Variants in ODAD2 observed in about 807,000 individuals in gnomAD.
ODAD2 encodes outer dynein arm docking complex subunit 2, also known as outer dynein arm-docking complex subunit 2.
A neutral mutation model predicts 106.8 loss-of-function variants in ODAD2; 89 were observed. That is an observed-to-expected ratio of 0.83 (90% CI 0.70 to 0.99). The LOEUF (loss-of-function observed/expected upper bound fraction) is 0.99. ODAD2 is among the 50% of genes least tolerant of loss of function. ODAD2 has a pLI of 0.00. For missense variants in ODAD2, 1,168 were observed against 1,238.5 expected (o/e 0.94, Z 0.85); for synonymous variants, 404 against 436.2 (o/e 0.93, Z 0.92).
chr10:27,993,938 C>A (rs117126496), intron 2 of ODAD2, among the ~76,000 whole-genome samples: 4,362 of 146,002 alleles, frequency 0.03, 119 homozygotes, highest in East Asian at 0.1. Context: ...GCCTAAGGTG[C>A]AAAATAAACT....
chr10:27,865,330 G>C (rs1283732766), intron 17 of ODAD2, among the ~76,000 whole-genome samples: 1 of 152,208 alleles, frequency 6.6e-6, no homozygotes, highest in Non-Finnish European at 1.5e-5. Context: ...AGCCAGTAGA[G>C]GGAACACTAC....
chr10:27,899,976 C>G (rs1214247643), intron 17 of ODAD2, among the ~76,000 whole-genome samples: 1 of 152,208 alleles, frequency 6.6e-6, no homozygotes, highest in Non-Finnish European at 1.5e-5. Context: ...AAGGGACAGA[C>G]TGCCTCCTCA....
intron 17 of ODAD2, among the ~76,000 whole-genome samples, chr10:27,872,685 C>T (rs1840991450): frequency 6.6e-6 from 1 of 152,076 alleles, no homozygotes; most frequent in South Asian, 2.1e-4. Context: ...TTGAATCAGC[C>T]TTGCATTCCA....
chr10:27,896,064 A>G (rs1401762501), intron 17 of ODAD2, among the ~76,000 whole-genome samples: 1 of 152,174 alleles, frequency 6.6e-6, no homozygotes, highest in Admixed American at 6.5e-5. Context: ...TGTCTTCAAC[A>G]TTTTGCTCAC....
intron 2 of ODAD2, among the ~76,000 whole-genome samples, chr10:27,993,064 G>A (rs1022213020): frequency 6.6e-6 from 1 of 151,928 alleles, no homozygotes; most frequent in Non-Finnish European, 1.5e-5. Flanking sequence ...TACAGAACGT[G>A]CCACCATGCC....
rs1844435529 is a variant in ODAD2 at position 27,917,041 on chromosome 10, TAATC to T, written c.2496-9268_2496-9265del. Reference sequence around the variant, plus strand: ...AAAAACACACTTAACCAATTTCACTTAATCAACATTTTAAAAGCATTGCATAAAA... The same window carrying T: ...AAAAACACACTTAACCAATTTCACTTAACATTTTAAAAGCATTGCATAAAA... On this transcript the variant is annotated intron_variant, in intron 16 of 19. Coordinates refer to ENST00000305242, the MANE Select transcript of ODAD2 (RefSeq NM_018076.5). 2.0e-5 allele frequency among the ~76,000 whole-genome samples: 3 copies of T among 152,308 alleles called. No individual in the cohort carries two copies. In the South Asian group the frequency reaches 6.2e-4, roughly 32 times the overall value.
Position 27,935,056 on chromosome 10 carries a change from C to T in ODAD2, c.2449G>A (p.Val817Ile). Residue 817 changes from valine (V) to isoleucine (I), a missense_variant, in exon 16 of 20, where the codon GTT becomes ATT. Around this residue, in one of 3 missense-constraint regions of ODAD2, gnomAD observed 701 missense variants for 712.3 expected, o/e 0.98. Transcript: ENST00000305242. ...GCACAAGCACCAACTGCTTTTGTAA[C>T]ATTCACAAGAAGAGCTTGGTTTATT... ...VGINQALLVNVTKAVGACAVE... is the reference protein window; with the variant it reads ...VGINQALLVNITKAVGACAVE... The T allele has an allele frequency of 6.2e-7, 1 of 1,613,928 alleles. No homozygotes were observed.
intron 13 of ODAD2, among the ~76,000 whole-genome samples, chr10:27,940,360 G>A (rs191449244): frequency 1.3e-5 from 2 of 151,044 alleles, no homozygotes; most frequent in Admixed American, 6.6e-5. Flanking sequence ...ATATGTGTGA[G>A]ATATATATAT....
chr10:27,949,568 T>A (rs1280123274), intron 10 of ODAD2, among the ~76,000 whole-genome samples: 1 of 152,202 alleles, frequency 6.6e-6, no homozygotes. Context: ...GAGCATGGCA[T>A]GCTTAGCACC....
intron 16 of ODAD2, among the ~76,000 whole-genome samples, chr10:27,911,099 C>A (rs1219806964): frequency 6.6e-6 from 1 of 152,106 alleles, no homozygotes; most frequent in Admixed American, 6.5e-5. Flanking sequence ...ACATCGCCGC[C>A]GTCCTGCACT....
chr10:27,902,868 T>C (rs1367468649), intron 17 of ODAD2, among the ~76,000 whole-genome samples: 1 of 151,870 alleles, frequency 6.6e-6, no homozygotes, highest in Admixed American at 6.6e-5. Flanking sequence ...CTACCAGAGG[T>C]ACAAAGAGGA....
At chr10:27,897,152 A>T (rs926102140) in intron 17 of ODAD2, among the ~76,000 whole-genome samples, 3 of 151,950 alleles carry the variant, frequency 2.0e-5, no homozygotes, top group African/African-American at 7.2e-5. Flanking sequence ...TGGTTTTCCC[A>T]TCCCCTTCCC....
intron 17 of ODAD2, among the ~76,000 whole-genome samples, chr10:27,894,900 TC>T (rs1185035036): frequency 6.6e-6 from 1 of 152,056 alleles, no homozygotes; most frequent in Non-Finnish European, 1.5e-5. Context: ...ACCTCACTGT[TC>T]CTTAACACTG....
chr10:27,934,629 C>T (rs557778090), intron 16 of ODAD2, among the ~76,000 whole-genome samples: 18 of 152,054 alleles, frequency 1.2e-4, no homozygotes, highest in Non-Finnish European at 2.2e-4. Context: ...GCTCAAAATA[C>T]ATTTGCTGAA....
chr10:27,855,448 A>C (rs1362609480), intron 19 of ODAD2, among the ~76,000 whole-genome samples: 1 of 152,186 alleles, frequency 6.6e-6, no homozygotes, highest in Non-Finnish European at 1.5e-5. Flanking sequence ...TCACCTAGTA[A>C]ACTCTTCTCG....
intron 17 of ODAD2, among the ~76,000 whole-genome samples, chr10:27,872,210 T>C (rs548431041): frequency 2.2e-4 from 34 of 152,132 alleles, no homozygotes; most frequent in Non-Finnish European, 4.6e-4. Flanking sequence ...TGATTTTGTA[T>C]CCTGAGACTT....
chr10:27,900,329 C>T (rs1013050012), intron 17 of ODAD2, among the ~76,000 whole-genome samples: 5 of 152,072 alleles, frequency 3.3e-5, no homozygotes, highest in Admixed American at 2.0e-4. Context: ...ACCTCAAAGA[C>T]CAAAGGTAGA....
At chr10:27,847,766 A>T (rs1472120619) in intron 19 of ODAD2, among the ~76,000 whole-genome samples, 1 of 152,130 alleles carries the variant, frequency 6.6e-6, no homozygotes, top group Non-Finnish European at 1.5e-5. Flanking sequence ...AAGCATTCTT[A>T]TACACCAATA....
At chr10:27,894,888 C>G (rs1267407552) in intron 17 of ODAD2, among the ~76,000 whole-genome samples, 2 of 152,020 alleles carry the variant, frequency 1.3e-5, no homozygotes, top group Non-Finnish European at 1.5e-5. Flanking sequence ...TTGTTTCACT[C>G]AACCTCACTG....
Sources: allele counts gnomAD v4.1 joint callset (sites outside exome capture counted in the v4.1 genomes callset), GRCh38; gene constraint gnomAD v4.1.1; regional missense constraint gnomAD v4.1.1; transcripts MANE v1.5; gene names NCBI Gene and HGNC (gene_info 2026-07-23, HGNC 2026-07-21).